The following TBXAS1 variants were observed in gnomAD, a reference collection of about 807,000 sequenced individuals.
TBXAS1 encodes thromboxane A synthase 1.
Under a neutral mutation model 60.7 loss-of-function variants are expected in TBXAS1, and 48 were observed. The observed-to-expected ratio is 0.79, with a 90% CI of 0.63 to 1.01. The LOEUF is 1.01. Among genes scored for constraint, TBXAS1 ranks in the 50% least tolerant of loss-of-function variants. The pLI, the probability that TBXAS1 is intolerant of heterozygous loss-of-function variation, is 0.00. For synonymous variants in TBXAS1, 287 were observed against 269.7 expected (o/e 1.06, Z -0.63); for missense variants, 685 against 686.3 (o/e 1.00, Z 0.02).
chr7:139,964,206 C>T (rs1810601586), intron 9 of TBXAS1, among the ~76,000 whole-genome samples: 2 of 152,322 alleles, frequency 1.3e-5, no homozygotes, highest in Middle Eastern at 3.4e-3. Context: ...CTGCCTCAGC[C>T]TCCCGAGTTG....
At position 139,838,024 on chromosome 7, in the gene TBXAS1, C is replaced by T. The variant is rs8192801; in HGVS notation, c.89+8545C>T. On this transcript the variant is annotated intron_variant, in intron 1 of 12. Transcript: ENST00000448866. ...AGAAGTCCACAACCATCAGCCCCGCCCCAGGACTCACTGTGGGTCTCCTGC... is the reference window on the plus strand; with the variant it reads ...AGAAGTCCACAACCATCAGCCCCGCTCCAGGACTCACTGTGGGTCTCCTGC... Among the ~76,000 whole-genome samples, 10 of 152,278 alleles carry T rather than the reference C, an allele frequency of 6.6e-5. No homozygotes were observed. The East Asian group carries it at 1.5e-3, about 24-fold the overall frequency.
chr7:139,911,502 G>C (rs1038417319), intron 4 of TBXAS1, among the ~76,000 whole-genome samples, 181 bp downstream of exon 4: 1 of 152,180 alleles, frequency 6.6e-6, no homozygotes, highest in African/African-American at 2.4e-5. Context: ...TGGTACAAAA[G>C]AGTAACATTT....
intron 9 of TBXAS1, among the ~76,000 whole-genome samples, chr7:139,981,590 A>C (rs925000851): frequency 2.6e-5 from 4 of 152,234 alleles, no homozygotes; most frequent in Non-Finnish European, 5.9e-5. Flanking sequence ...TTCCTATTGC[A>C]CAGGGTTGAT....
intron 9 of TBXAS1, among the ~76,000 whole-genome samples, chr7:139,970,081 C>A (rs1210682029): frequency 6.6e-6 from 1 of 152,132 alleles, no homozygotes; most frequent in East Asian, 1.9e-4. Context: ...CTGGGACGAG[C>A]CTGAGGGTCT....
At chr7:139,971,787 G>GC (rs1484802314) in intron 9 of TBXAS1, among the ~76,000 whole-genome samples, 2 of 152,046 alleles carry the variant, frequency 1.3e-5, no homozygotes, top group African/African-American at 4.8e-5. Flanking sequence ...CTCTCATCCT[G>GC]CCCCATTTCT....
upstream of TBXAS1, chr7:139,829,079 T>C (rs1317713755): frequency 6.8e-6 from 3 of 443,230 alleles, no homozygotes; most frequent in East Asian, 1.7e-4. Context: ...ATTTTGTTTC[T>C]CAGCAAACAT....
intron 9 of TBXAS1, among the ~76,000 whole-genome samples, chr7:139,996,744 G>A (rs900708016): frequency 6.6e-6 from 1 of 152,210 alleles, no homozygotes; most frequent in Non-Finnish European, 1.5e-5. Context: ...TCCCTTGGGG[G>A]ACTTCTAAAA....
chr7:139,820,205 T>G (rs1315866245), intron 4 of TBXAS1, among the ~76,000 whole-genome samples: 1 of 152,072 alleles, frequency 6.6e-6, no homozygotes, highest in Non-Finnish European at 1.5e-5. Flanking sequence ...CTCTCCACTT[T>G]TGCAAGGAGA....
At chr7:139,987,740 A>G (rs1812604343) in intron 9 of TBXAS1, among the ~76,000 whole-genome samples, 1 of 152,230 alleles carries the variant, frequency 6.6e-6, no homozygotes, top group African/African-American at 2.4e-5. Flanking sequence ...GGATATGAAG[A>G]GCTTTCTAAA....
chr7:140,019,823 CT>C (rs1471836412), intron 12 of TBXAS1, among the ~76,000 whole-genome samples: 5 of 152,210 alleles, frequency 3.3e-5, no homozygotes, highest in Non-Finnish European at 5.9e-5. Context: ...TGCTCAGTTA[CT>C]GGCCAGAACT....
At chr7:139,992,688 T>G (rs1281551204) in intron 9 of TBXAS1, among the ~76,000 whole-genome samples, 5 of 152,236 alleles carry the variant, frequency 3.3e-5, no homozygotes, top group Non-Finnish European at 7.3e-5. Context: ...GGGCCTTCGT[T>G]TCCTCCCTGC....
intron 2 of TBXAS1, among the ~76,000 whole-genome samples, chr7:139,875,318 C>G (rs1416931234): frequency 6.6e-6 from 1 of 152,152 alleles, no homozygotes; most frequent in Non-Finnish European, 1.5e-5. Context: ...GTTGAGAAAG[C>G]AAACTTTTTG....
chr7:139,954,732 G>T (rs917148), intron 6 of TBXAS1, among the ~76,000 whole-genome samples: 2 of 152,234 alleles, frequency 1.3e-5, no homozygotes, highest in African/African-American at 4.8e-5. Context: ...CTTTTGAGGG[G>T]GCAGCTTTCC....
chr7:139,935,034 G>A (rs777418893), intron 4 of TBXAS1, among the ~76,000 whole-genome samples: 1 of 151,906 alleles, frequency 6.6e-6, no homozygotes. Flanking sequence ...GGCTGGTCTC[G>A]AACTCCTGAC....
chr7:139,857,487 A>T (rs1800659650), intron 1 of TBXAS1, among the ~76,000 whole-genome samples: 1 of 152,224 alleles, frequency 6.6e-6, no homozygotes, highest in South Asian at 2.1e-4. Context: ...TACTTAAACA[A>T]ACAAAAGCCA....
chr7:139,934,283 G>T (rs1039197342), intron 4 of TBXAS1, among the ~76,000 whole-genome samples: 1 of 151,874 alleles, frequency 6.6e-6, no homozygotes, highest in Non-Finnish European at 1.5e-5. Flanking sequence ...CCGTCTCCCA[G>T]GTTCAAGTGA....
intron 4 of TBXAS1, among the ~76,000 whole-genome samples, chr7:139,802,810 A>G (rs772585247): frequency 2.6e-5 from 4 of 152,082 alleles, no homozygotes; most frequent in Non-Finnish European, 5.9e-5. Flanking sequence ...AAGAAGAGGA[A>G]GAGGAAGAAG....
At chr7:139,784,939 C>G (rs932556771) in intron 3 of TBXAS1, among the ~76,000 whole-genome samples, 1 of 152,174 alleles carries the variant, frequency 6.6e-6, no homozygotes, top group Non-Finnish European at 1.5e-5. Context: ...TACATGGCAG[C>G]ATTTCTCAAA....
At chr7:139,871,355 C>T (rs1002201372) in intron 1 of TBXAS1, among the ~76,000 whole-genome samples, 1 of 152,222 alleles carries the variant, frequency 6.6e-6, no homozygotes, top group Non-Finnish European at 1.5e-5. Context: ...TGATGCTAAA[C>T]AACCAGTTTG....
Sources: gnomAD v4.1 joint callset for allele counts (sites outside exome capture counted in the v4.1 genomes callset) on GRCh38, gnomAD v4.1.1 for gene constraint, MANE v1.5 for transcripts, NCBI Gene and HGNC (gene_info 2026-07-23, HGNC 2026-07-21) for gene names.